Variants in PRR5L observed in about 807,000 individuals in gnomAD.
PRR5L encodes proline-rich protein 5-like.
In PRR5L, 21 loss-of-function variants were observed where a neutral mutation model predicts 36.4. The ratio of observed to expected loss-of-function variants is 0.58; its 90% CI spans 0.41 to 0.83. The LOEUF is 0.83. PRR5L is among the 40% of genes least tolerant of loss of function. PRR5L has a pLI of 0.00. For missense variants in PRR5L, 381 were observed against 473.3 expected (o/e 0.80, Z 1.81); for synonymous variants, 188 against 197.0 (o/e 0.95, Z 0.38).
intron 3 of PRR5L, among the ~76,000 whole-genome samples, chr11:36,417,186 AGC>A (rs1258385369): frequency 2.0e-5 from 3 of 152,180 alleles, no homozygotes; most frequent in Non-Finnish European, 4.4e-5. Context: ...CTCCTTGGGA[AGC>A]TCTCTCCTAA....
chr11:36,409,603 G>C (rs778185669), intron 3 of PRR5L, among the ~76,000 whole-genome samples: 10 of 152,316 alleles, frequency 6.6e-5, no homozygotes, highest in African/African-American at 2.2e-4. Context: ...TAGGGGGGAA[G>C]AGCTGGGAGG....
intron 1 of PRR5L, among the ~76,000 whole-genome samples, chr11:36,297,000 T>C (rs1856318355): frequency 1.3e-5 from 2 of 152,228 alleles, no homozygotes; most frequent in Admixed American, 1.3e-4. Context: ...ATGATAGCTA[T>C]GTGTATTGTG....
Position 36,344,219 on chromosome 11 carries a change from CA to C in PRR5L, c.-126+47793del, listed in dbSNP as rs201296184. The stretch of plus-strand genomic sequence containing the variant: ...GGGCAACAAGCGCAAAACTCTGTCT[CA>C]AAAAAAAAAAATCACATGCTCATAG... On this transcript the variant is annotated intron_variant, in intron 1 of 8. Coordinates refer to ENST00000530639, the MANE Select transcript of PRR5L (RefSeq NM_001160167.2). This position sits in a 1 kb window ranked among gnomAD's most constrained non-coding sequence, Gnocchi z 4.1. Among the ~76,000 whole-genome samples, 5,708 of 138,448 alleles carry C rather than the reference CA, an allele frequency of 0.041. 153 individuals carry two copies. The highest frequency in any genetic ancestry group is 0.11 in the East Asian group (532 of 4,848). 90.8% of individuals were successfully genotyped at this position (138,448 alleles called of 152,430 possible). A position where few individuals can be genotyped will look rare whatever the true frequency, so the allele number is the denominator to read the frequency against.
intron 7 of PRR5L, among the ~76,000 whole-genome samples, chr11:36,449,666 C>T (rs933566629): frequency 1.3e-5 from 2 of 152,172 alleles, no homozygotes; most frequent in South Asian, 4.1e-4. Context: ...GTTTTATTTT[C>T]TCCCATCAGC....
chr11:36,401,045 G>T lies in PRR5L; in HGVS notation c.-77G>T. On this transcript the variant is annotated 5_prime_UTR_variant, in exon 2 of 9. Transcript: ENST00000530639. Reference sequence around the variant, plus strand: ...AAGAAAGCCTGAGGGCCTGAAGGCAGCCCCTGGAGAAGCCCTTTCCGAGGG... The same window carrying T: ...AAGAAAGCCTGAGGGCCTGAAGGCATCCCCTGGAGAAGCCCTTTCCGAGGG... 1.9e-6 allele frequency: 3 copies of T among 1,559,442 alleles called. No individual in the cohort carries two copies. Among genetic ancestry groups the T allele is most frequent in the East Asian group, 2.3e-5 (1 of 43,942 alleles).
chr11:36,399,635 G>T (rs906641441), intron 1 of PRR5L, among the ~76,000 whole-genome samples: 3 of 152,246 alleles, frequency 2.0e-5, no homozygotes, highest in Non-Finnish European at 2.9e-5. Flanking sequence ...GTTAGCTGGT[G>T]AGAGAGATGG....
rs201126792 is a variant in PRR5L, at chr11:36,401,603, AT to A, written c.164+327del. On this transcript the variant is annotated intron_variant, in intron 2 of 8. Transcript: ENST00000530639. Reference sequence around the variant, plus strand: ...CCACACCCAGCTAATTAAAAAAGCAATTTTTTTTTAAAGAGATGGGGTCTCA... The same window carrying A: ...CCACACCCAGCTAATTAAAAAAGCAATTTTTTTTAAAGAGATGGGGTCTCA... Among the ~76,000 whole-genome samples, 223 of 150,948 alleles carry A rather than the reference AT, an allele frequency of 1.5e-3. 1 individual carries two copies. Among genetic ancestry groups the A allele is most frequent in the African/African-American group, 5.1e-3 (207 of 40,930 alleles).
rs933668207 is a variant in PRR5L at position 36,400,906 on chromosome 11, G to A, written c.-125-91G>A. On this transcript the variant is annotated intron_variant, in intron 1 of 8. Coordinates refer to ENST00000530639, the MANE Select transcript of PRR5L (RefSeq NM_001160167.2). ...ATTGCTGGGTCCCGCAGTTGTTTTCGGGGTAGTTAGGCTGGAAAGTCCCAG... is the reference window on the plus strand; with the variant it reads ...ATTGCTGGGTCCCGCAGTTGTTTTCAGGGTAGTTAGGCTGGAAAGTCCCAG... The A allele has an allele frequency of 1.2e-5, 12 of 1,041,498 alleles. 1 individual carries two copies. The highest frequency in any genetic ancestry group is 3.3e-4 in the Middle Eastern group (1 of 3,024). 64.5% of individuals were successfully genotyped at this position (1,041,498 alleles called of 1,614,324 possible).
chr11:36,339,098 C>T (rs568140540), intron 1 of PRR5L, among the ~76,000 whole-genome samples: 1 of 152,262 alleles, frequency 6.6e-6, no homozygotes, highest in South Asian at 2.1e-4. Context: ...AACTGCAAGT[C>T]CAATTAAACC....
chr11:36,351,508 TA>T (rs1291292179), intron 1 of PRR5L, among the ~76,000 whole-genome samples: 3 of 20,452 alleles, frequency 1.5e-4, no homozygotes, highest in South Asian at 1.8e-3. Flanking sequence ...TATTTTTATA[TA>T]TTTATATATA....
intron 1 of PRR5L, among the ~76,000 whole-genome samples, chr11:36,311,221 G>A (rs751655402): frequency 6.6e-5 from 10 of 152,156 alleles, no homozygotes; most frequent in African/African-American, 1.4e-4. Context: ...ATTCTAAGGC[G>A]TGGCTGCTTG....
intron 1 of PRR5L, among the ~76,000 whole-genome samples, chr11:36,302,047 G>A (rs1489105506): frequency 1.3e-5 from 2 of 152,188 alleles, no homozygotes; most frequent in Non-Finnish European, 1.5e-5. Flanking sequence ...GGGAGTATAT[G>A]GGAGTTTACT....
At chr11:36,435,964 C>T (rs115798681) in intron 5 of PRR5L, among the ~76,000 whole-genome samples, 2,007 of 152,280 alleles carry the variant, frequency 0.013, 46 homozygotes, top group African/African-American at 0.045. Flanking sequence ...GTTCCAGTGA[C>T]GAGACAGAGA....
At chr11:36,406,025 C>T (rs1857902879) in intron 3 of PRR5L, among the ~76,000 whole-genome samples, 1 of 152,032 alleles carries the variant, frequency 6.6e-6, no homozygotes, top group Admixed American at 6.6e-5. Context: ...ATAGCAACAC[C>T]TTTGTTCTTT....
chr11:36,306,294 T>C (rs1729123144), intron 1 of PRR5L, among the ~76,000 whole-genome samples: 1 of 152,176 alleles, frequency 6.6e-6, no homozygotes, highest in African/African-American at 2.4e-5. Flanking sequence ...AGTGATCTCA[T>C]TGTTCAATTC....
At chr11:36,449,151 G>A (rs542437806) in intron 7 of PRR5L, among the ~76,000 whole-genome samples, 37 of 152,296 alleles carry the variant, frequency 2.4e-4, no homozygotes, top group Non-Finnish European at 3.5e-4. Flanking sequence ...TGAAGAACCC[G>A]GATCTTTCCC....
intron 1 of PRR5L, among the ~76,000 whole-genome samples, chr11:36,379,687 A>T (rs1314920216): frequency 6.6e-6 from 1 of 152,238 alleles, no homozygotes; most frequent in Non-Finnish European, 1.5e-5. Flanking sequence ...GCACTGTTTT[A>T]CAAGAGAAGA....
At chr11:36,304,904 G>A (rs995673840) in intron 1 of PRR5L, among the ~76,000 whole-genome samples, 1 of 152,146 alleles carries the variant, frequency 6.6e-6, no homozygotes, top group African/African-American at 2.4e-5. Context: ...TGGAGAAATT[G>A]GAATCCTCAT....
chr11:36,430,407 A>G (rs1283834294), intron 4 of PRR5L, among the ~76,000 whole-genome samples: 1 of 152,192 alleles, frequency 6.6e-6, no homozygotes, highest in East Asian at 1.9e-4. Flanking sequence ...TCAAGACTCC[A>G]TCTCAAAAGA....
Sources: gnomAD v4.1 joint callset for allele counts (sites outside exome capture counted in the v4.1 genomes callset) on GRCh38, gnomAD v4.1.1 for gene constraint, Gnocchi (gnomAD v3.1) non-coding constraint, MANE v1.5 for transcripts, NCBI Gene and HGNC (gene_info 2026-07-23, HGNC 2026-07-21) for gene names.